The following C2CD3 variants were observed in gnomAD, a reference collection of about 807,000 sequenced individuals.
C2CD3 encodes C2 domain-containing protein 3.
C2CD3 carries 148 observed loss-of-function variants against 234.0 expected under a neutral mutation model. That is an observed-to-expected ratio of 0.63 (90% CI 0.55 to 0.72). C2CD3 has a LOEUF of 0.72. Among genes scored for constraint, C2CD3 ranks in the 30% least tolerant of loss-of-function variants. C2CD3 has a pLI of 0.00. For synonymous variants in C2CD3, 1,000 were observed against 1,035.4 expected, an observed-to-expected ratio of 0.97 and a Z score of 0.66; for missense variants, 2,577 against 2,811.5, an observed-to-expected ratio of 0.92 and a Z score of 1.89.
intron 28 of C2CD3, among the ~76,000 whole-genome samples, chr11:74,045,472 C>CA (rs1379974675): frequency 6.6e-6 from 1 of 152,126 alleles, no homozygotes; most frequent in East Asian, 1.9e-4. Context: ...ATCTGTAGAT[C>CA]AACGTGGAGA....
intron 8 of C2CD3, among the ~76,000 whole-genome samples, chr11:74,121,539 G>A (rs1165306090): frequency 2.0e-5 from 3 of 150,716 alleles, no homozygotes; most frequent in Admixed American, 1.3e-4. Flanking sequence ...CCTGGGAGGT[G>A]GAGGTTGCGG....
intron 20 of C2CD3, among the ~76,000 whole-genome samples, chr11:74,088,195 T>C (rs1955730911): frequency 6.6e-6 from 1 of 152,228 alleles, no homozygotes; most frequent in East Asian, 1.9e-4. Flanking sequence ...TGTATATTTG[T>C]ACAATAGTTT....
intron 3 of C2CD3, among the ~76,000 whole-genome samples, chr11:74,149,152 G>C (rs915607549): frequency 6.6e-6 from 1 of 152,088 alleles, no homozygotes; most frequent in Admixed American, 6.6e-5. Flanking sequence ...TAATACAGGA[G>C]ATAAGAATTT....
chr11:74,120,534 A>G (rs1957176639), intron 8 of C2CD3, among the ~76,000 whole-genome samples: 1 of 152,154 alleles, frequency 6.6e-6, no homozygotes, highest in Non-Finnish European at 1.5e-5. Flanking sequence ...TCACTGATGG[A>G]CATTTGGGTT....
intron 3 of C2CD3, among the ~76,000 whole-genome samples, chr11:74,157,913 T>A (rs182038489): frequency 5.3e-4 from 80 of 152,204 alleles, no homozygotes; most frequent in African/African-American, 1.8e-3. Context: ...CCCAAGTTAG[T>A]GGCATGTAAC....
intron 26 of C2CD3, among the ~76,000 whole-genome samples, chr11:74,053,515 C>T (rs951619750): frequency 6.6e-6 from 1 of 152,170 alleles, no homozygotes; most frequent in African/African-American, 2.4e-5. Context: ...CTGTGTTATG[C>T]CTCTTAATAA....
At chr11:74,058,907 A>G (rs1022396600) in intron 24 of C2CD3, among the ~76,000 whole-genome samples, 4 of 152,186 alleles carry the variant, frequency 2.6e-5, no homozygotes, top group African/African-American at 7.2e-5. Context: ...CGATAGCCAC[A>G]TGGGGCTAGT....
At chr11:74,035,289 T>C (rs1486872279) in intron 30 of C2CD3, among the ~76,000 whole-genome samples, 1 of 152,246 alleles carries the variant, frequency 6.6e-6, no homozygotes, top group Admixed American at 6.5e-5. Context: ...GAAGCATGTT[T>C]AGTTAATCCT....
chr11:74,030,430 C>T (rs1476605844), intron 31 of C2CD3, among the ~76,000 whole-genome samples: 1 of 152,196 alleles, frequency 6.6e-6, no homozygotes, highest in Non-Finnish European at 1.5e-5. Flanking sequence ...GTAAGGTCCT[C>T]CTTAACACTA....
intron 5 of C2CD3, 43 bp downstream of exon 5, chr11:74,138,677 T>C: frequency 2.0e-6 from 3 of 1,527,638 alleles, no homozygotes; most frequent in Non-Finnish European, 2.7e-6. Context: ...AGCAATCCCA[T>C]AAACGTAGTT....
At position 74,034,281 on chromosome 11, in the gene C2CD3, G is replaced by T; in HGVS notation, c.5882-3C>A. ...ATCCCTGGTGATAGTCTGCAGATCT[G>T]AACAGCAACACATATCACTCTTATT... On this transcript the variant is annotated splice_region_variant and splice_polypyrimidine_tract_variant and intron_variant, in intron 30 of 32. Coordinates refer to ENST00000334126, the MANE Select transcript of C2CD3 (RefSeq NM_001286577.2). The T allele has an allele frequency of 6.5e-7, 1 of 1,533,618 alleles. No homozygotes were observed. Among genetic ancestry groups the T allele is most frequent in the South Asian group, 1.2e-5 (1 of 83,712 alleles).
At chr11:74,017,578 C>G (rs1951924522) in intron 32 of C2CD3, among the ~76,000 whole-genome samples, 1 of 152,196 alleles carries the variant, frequency 6.6e-6, no homozygotes, top group Admixed American at 6.5e-5. Context: ...GTGGCTAACC[C>G]TGCATAAGGA....
chr11:74,070,568 C>T (rs961970711), intron 24 of C2CD3: 1 of 152,208 alleles, frequency 6.6e-6, no homozygotes, highest in African/African-American at 2.4e-5. Context: ...GGCTTCAGAA[C>T]TTGAACTAAT....
intron 2 of C2CD3, among the ~76,000 whole-genome samples, chr11:74,167,256 A>G (rs1856869818): frequency 6.6e-6 from 1 of 152,202 alleles, no homozygotes. Flanking sequence ...TTGAATTTCT[A>G]ATCACTCCTC....
chr11:74,059,964 G>C (rs1230854457), intron 24 of C2CD3, among the ~76,000 whole-genome samples: 1 of 152,180 alleles, frequency 6.6e-6, no homozygotes, highest in African/African-American at 2.4e-5. Flanking sequence ...CACACCAGGA[G>C]ACTGTATCCC....
At chr11:74,022,552 G>C (rs948280214) in intron 32 of C2CD3, among the ~76,000 whole-genome samples, 4 of 152,158 alleles carry the variant, frequency 2.6e-5, no homozygotes, top group Non-Finnish European at 2.9e-5. Context: ...ATATTCCCAA[G>C]AGTGAAAATC....
chr11:74,109,271 G>T (rs1265963295), intron 11 of C2CD3, 119 bp from the exon 12 acceptor site: 1 of 611,142 alleles, frequency 1.6e-6, no homozygotes, highest in South Asian at 2.3e-5. Flanking sequence ...TGCAGAAATC[G>T]AGTCAGTGTG....
chr11:74,168,319 G>T, intron 2 of C2CD3, 25 bp downstream of exon 2: 1 of 1,590,104 alleles, frequency 6.3e-7, no homozygotes, highest in Non-Finnish European at 8.6e-7. Context: ...ACGTCTGCAG[G>T]TGCAATGATA....
Position 74,090,880 on chromosome 11 carries a change from G to C in C2CD3, c.3574C>G (p.Leu1192Val), listed in dbSNP as rs780518940. 1.2e-6 allele frequency: 2 copies of C among 1,614,140 alleles called. No individual in the cohort carries two copies. Among genetic ancestry groups the C allele is most frequent in the Admixed American group, 1.7e-5 (1 of 60,032 alleles). Residue 1192 changes from leucine (L) to valine (V), a missense_variant, in exon 20 of 33, where the codon CTT (leucine) becomes GTT (valine). By Grantham distance (32) the Leu-to-Val change is conservative. Coordinates refer to ENST00000334126, the MANE Select transcript of C2CD3 (RefSeq NM_001286577.2). Reference protein sequence around the residue: ...RRSPRTAEGVLAARTVSISVQ... With the variant: ...RRSPRTAEGVVAARTVSISVQ... ...GAGATGGAAACAGTTCGGGCAGCAAGAACTCCCTCTGCTGTTCTTGGACTA... is the reference window on the plus strand; with the variant it reads ...GAGATGGAAACAGTTCGGGCAGCAACAACTCCCTCTGCTGTTCTTGGACTA...
Sources: gnomAD v4.1 joint callset for allele counts (sites outside exome capture counted in the v4.1 genomes callset) on GRCh38, gnomAD v4.1.1 for gene constraint, MANE v1.5 for transcripts, NCBI Gene and HGNC (gene_info 2026-07-23, HGNC 2026-07-21) for gene names.